The following MICU3 variants were observed in gnomAD, a reference collection of about 807,000 sequenced individuals.
The protein encoded by MICU3 is calcium uptake protein 3, mitochondrial.
Under a neutral mutation model 66.5 loss-of-function variants are expected in MICU3, and 62 were observed. The observed-to-expected ratio is 0.93, with a 90% confidence interval of 0.76 to 1.15. The LOEUF is 1.15. MICU3 is among the 50% of genes most tolerant of loss of function. The pLI, the probability that MICU3 is intolerant of heterozygous loss-of-function variation, is 0.00. For synonymous variants in MICU3, 308 were observed against 240.7 expected, an observed-to-expected ratio of 1.28 and a Z score of -2.59; for missense variants, 779 against 664.4, an observed-to-expected ratio of 1.17 and a Z score of -1.90.
intron 1 of MICU3, among the ~76,000 whole-genome samples, chr8:17,028,926 T>G (rs1307393568): frequency 6.6e-6 from 1 of 152,142 alleles, no homozygotes; most frequent in East Asian, 1.9e-4. Context: ...TAGTATTTTC[T>G]TTTCTTTCTT....
In MICU3 at chr8:17,085,301, A is replaced by T; in HGVS notation, c.760A>T (p.Lys254Ter). The change falls in exon 6 of 15, where the codon AAA (lysine) becomes TAA (stop). Residue 254 changes from lysine (K) to a stop codon, truncating the protein, a stop_gained. Transcript: ENST00000318063. LOFTEE classifies it high-confidence loss of function. ...FDTDGNEMVD[K>*]KEFLVLQEIF... is the part of the protein sequence containing the mutation. ...CACTGATGGCAATGAGATGGTGGAT[A>T]AAAAAGAGTTTTTGGTGGTATGTAT... is the stretch of plus-strand genomic sequence containing the variant. The T allele has an allele frequency of 6.2e-7, 1 of 1,607,730 alleles. No individual in the cohort carries two copies. The highest frequency in any genetic ancestry group is 8.5e-7 in the Non-Finnish European group (1 of 1,175,378).
At chr8:17,093,661 A>G (rs1451796739) in intron 8 of MICU3, among the ~76,000 whole-genome samples, 1 of 151,910 alleles carries the variant, frequency 6.6e-6, no homozygotes, top group Admixed American at 6.6e-5. Flanking sequence ...TGTTACCTGT[A>G]TAAGATTATA....
At chr8:17,044,426 A>G (rs562373366) in intron 1 of MICU3, among the ~76,000 whole-genome samples, 61 of 152,236 alleles carry the variant, frequency 4.0e-4, no homozygotes, top group Non-Finnish European at 8.1e-4. Flanking sequence ...TATCTTCTTC[A>G]GCAGTGTTTT....
intron 2 of MICU3, among the ~76,000 whole-genome samples, chr8:17,064,909 T>TTAC (rs1413946268): frequency 6.6e-6 from 1 of 152,154 alleles, no homozygotes; most frequent in Admixed American, 6.6e-5. Flanking sequence ...AATTGGCTGG[T>TTAC]GGTAGTTGCA....
intron 2 of MICU3, among the ~76,000 whole-genome samples, chr8:17,064,548 G>T (rs1818380411): frequency 6.6e-6 from 1 of 152,054 alleles, no homozygotes. Context: ...CAGAGGACTG[G>T]CTTTGAGGTT....
chr8:17,115,745 A>G (rs976719678), intron 12 of MICU3, among the ~76,000 whole-genome samples: 6 of 152,102 alleles, frequency 3.9e-5, no homozygotes, highest in African/African-American at 9.7e-5. Flanking sequence ...AAGTTTTCCA[A>G]TTGCCTATTG....
chr8:17,073,003 A>C (rs979825120), intron 3 of MICU3, among the ~76,000 whole-genome samples: 1 of 151,858 alleles, frequency 6.6e-6, no homozygotes, highest in African/African-American at 2.4e-5. Flanking sequence ...TGATCCCCCT[A>C]CCTCAGCCTC....
At chr8:17,125,153 A>ATATAGCCTGTAG (rs1378397003), downstream of MICU3, among the ~76,000 whole-genome samples, 8 of 151,698 alleles carry the variant, frequency 5.3e-5, no homozygotes, top group African/African-American at 1.9e-4. Flanking sequence ...ATAGCCTGTA[A>ATATAGCCTGTAG]TCTTTCTTTT....
At chr8:17,048,833 G>C (rs944056824) in intron 1 of MICU3, among the ~76,000 whole-genome samples, 1 of 152,048 alleles carries the variant, frequency 6.6e-6, no homozygotes, top group Non-Finnish European at 1.5e-5. Context: ...TGCCCAGGCT[G>C]GTCTCAAACT....
At chr8:17,115,630 C>T (rs1036750334) in intron 12 of MICU3, among the ~76,000 whole-genome samples, 2 of 152,198 alleles carry the variant, frequency 1.3e-5, no homozygotes, top group Non-Finnish European at 2.9e-5. Flanking sequence ...AAGTGACAAT[C>T]CTGCTACTAG....
downstream of MICU3, chr8:17,122,703 T>A (rs375077637): frequency 2.0e-5 from 3 of 152,166 alleles, no homozygotes; most frequent in East Asian, 3.9e-4. Context: ...AAATGTAACC[T>A]TCAAACTTTG....
chr8:17,119,552 G>GATAGATAGATAGATAGATAA (rs566901945), intron 14 of MICU3, among the ~76,000 whole-genome samples: 1,975 of 148,720 alleles, frequency 0.013, 52 homozygotes, highest in African/African-American at 0.046. Context: ...TAGATAGATA[G>GATAGATAGATAGATAGATAA]ATAGATAGAT....
At chr8:17,137,749 A>G in the MICU3 span, among the ~76,000 whole-genome samples, 2 of 129,444 alleles carry the variant, frequency 1.5e-5, no homozygotes, top group Middle Eastern at 6.5e-3. Context: ...ACAGAGTCTC[A>G]CTCTGTCGCC....
downstream of MICU3, among the ~76,000 whole-genome samples, chr8:17,124,772 G>C (rs1041781659): frequency 7.3e-5 from 11 of 151,716 alleles, no homozygotes; most frequent in African/African-American, 2.7e-4. Context: ...AATAGAGTAT[G>C]GTATACCTTT....
intron 3 of MICU3, among the ~76,000 whole-genome samples, 162 bp downstream of exon 3, chr8:17,069,881 A>G (rs1819289852): frequency 1.3e-5 from 2 of 151,832 alleles, no homozygotes; most frequent in African/African-American, 2.4e-5. Flanking sequence ...TATCCTCCAG[A>G]TTGTCAGAAA....
chr8:17,064,356 A>G (rs1818350354), intron 2 of MICU3, 119 bp downstream of exon 2: 2 of 695,654 alleles, frequency 2.9e-6, no homozygotes, highest in Non-Finnish European at 4.6e-6. Context: ...TTCACATGAT[A>G]TTGTGCTATT....
chr8:17,056,432 G>A (rs1162640684), intron 1 of MICU3, among the ~76,000 whole-genome samples: 2 of 152,148 alleles, frequency 1.3e-5, no homozygotes, highest in Admixed American at 1.3e-4. Context: ...GCCTGCTCCT[G>A]CAGTCCTCCG....
At chr8:17,034,051 G>A (rs941954522) in intron 1 of MICU3, among the ~76,000 whole-genome samples, 1 of 152,176 alleles carries the variant, frequency 6.6e-6, no homozygotes, top group African/African-American at 2.4e-5. Flanking sequence ...AACTTCAAAG[G>A]ATAGGCTGGC....
At chr8:17,134,672 C>T in the MICU3 span, among the ~76,000 whole-genome samples, 766 of 152,258 alleles carry the variant, frequency 5.0e-3, 2 homozygotes, top group Non-Finnish European at 8.1e-3. Context: ...TCTCAATCTC[C>T]TGACCTCGTG....
Sources: allele counts gnomAD v4.1 joint callset (sites outside exome capture counted in the v4.1 genomes callset), GRCh38; gene constraint gnomAD v4.1.1; transcripts MANE v1.5; gene names NCBI Gene and HGNC (gene_info 2026-07-23, HGNC 2026-07-21).